Variants in RAB38 observed in about 807,000 individuals in gnomAD.
RAB38 encodes the protein RAB38, member RAS oncogene family, also known as ras-related protein Rab-38.
A neutral mutation model predicts 18.4 loss-of-function variants in RAB38; 15 were observed. The observed-to-expected ratio is 0.82, with a 90% CI of 0.55 to 1.26. RAB38 has a LOEUF of 1.26. Ranked by LOEUF, RAB38 falls within the 50% of genes most tolerant of loss-of-function variation. RAB38 has a pLI of 0.00. For missense variants in RAB38, 294 were observed against 267.4 expected, an observed-to-expected ratio of 1.10 and a Z score of -0.69; for synonymous variants, 101 against 104.4, an observed-to-expected ratio of 0.97 and a Z score of 0.20.
the RAB38 span, among the ~76,000 whole-genome samples, chr11:87,811,622 G>T: frequency 2.6e-5 from 4 of 152,002 alleles, no homozygotes; most frequent in South Asian, 4.2e-4. Context: ...GCTCTCAGTT[G>T]TACGGTGAAC....
chr11:87,810,817 AC>A, the RAB38 span, among the ~76,000 whole-genome samples: 9 of 141,752 alleles, frequency 6.3e-5, no homozygotes, highest in Non-Finnish European at 1.2e-4. Flanking sequence ...AAAAAAAAAA[AC>A]CTTTTTACCG....
At chr11:87,847,331 A>G in the RAB38 span, among the ~76,000 whole-genome samples, 3 of 152,096 alleles carry the variant, frequency 2.0e-5, no homozygotes, top group African/African-American at 7.2e-5. Flanking sequence ...GTTACAATAG[A>G]CTCTATACAT....
the RAB38 span, among the ~76,000 whole-genome samples, chr11:87,841,284 A>G: frequency 6.6e-6 from 1 of 152,138 alleles, no homozygotes; most frequent in African/African-American, 2.4e-5. Context: ...TGCTGTTCTT[A>G]TGATAGTGAG....
the RAB38 span, among the ~76,000 whole-genome samples, chr11:88,097,357 AAG>A: frequency 6.6e-6 from 1 of 151,888 alleles, no homozygotes; most frequent in Non-Finnish European, 1.5e-5. Context: ...CTGTGCACCA[AAG>A]AGTTTATAAA....
chr11:88,169,523 TGAGTAGTCAA>T (rs1188824969), intron 1 of RAB38, among the ~76,000 whole-genome samples: 1 of 152,050 alleles, frequency 6.6e-6, no homozygotes, highest in Non-Finnish European at 1.5e-5. Context: ...CCTGAGCTCA[TGAGTAGTCAA>T]GGATATAGGC....
At chr11:88,005,083 C>T in the RAB38 span, among the ~76,000 whole-genome samples, 1 of 151,218 alleles carries the variant, frequency 6.6e-6, no homozygotes, top group South Asian at 2.1e-4. Context: ...TAATGTAATC[C>T]TAAACAAGAT....
At chr11:88,023,528 C>T in the RAB38 span, among the ~76,000 whole-genome samples, 6 of 151,890 alleles carry the variant, frequency 4.0e-5, no homozygotes, top group African/African-American at 1.4e-4. Flanking sequence ...TGACATTCAT[C>T]ACAGAAATAG....
the RAB38 span, among the ~76,000 whole-genome samples, chr11:87,957,470 T>C: frequency 6.6e-6 from 1 of 152,170 alleles, no homozygotes; most frequent in African/African-American, 2.4e-5. Flanking sequence ...TGTGTGCTTT[T>C]ATTCTAAGTC....
chr11:88,144,586 T>A (rs1159237160), intron 2 of RAB38, among the ~76,000 whole-genome samples: 1 of 152,224 alleles, frequency 6.6e-6, no homozygotes, highest in East Asian at 1.9e-4. Flanking sequence ...ATTCCTTTTC[T>A]CAGCAGAAGG....
intron 1 of RAB38, among the ~76,000 whole-genome samples, chr11:88,158,888 A>G (rs1284872037): frequency 6.6e-6 from 1 of 152,114 alleles, no homozygotes; most frequent in African/African-American, 2.4e-5. Context: ...CATTGTGCCT[A>G]TTGAACACAT....
At chr11:88,114,828 T>A (rs879854832) in intron 2 of RAB38, among the ~76,000 whole-genome samples, 2 of 152,214 alleles carry the variant, frequency 1.3e-5, no homozygotes, top group Non-Finnish European at 2.9e-5. Context: ...GAGGCAAGTA[T>A]CCCAATCAGC....
chr11:87,880,314 A>G, the RAB38 span, among the ~76,000 whole-genome samples: 1 of 151,730 alleles, frequency 6.6e-6, no homozygotes, highest in South Asian at 2.1e-4. Flanking sequence ...GAAATAATGT[A>G]TATCCCTTCG....
chr11:88,005,851 G>A, the RAB38 span, among the ~76,000 whole-genome samples: 6 of 151,448 alleles, frequency 4.0e-5, no homozygotes, highest in African/African-American at 1.4e-4. Context: ...GTTTATTGAG[G>A]AAACTGTCCT....
the RAB38 span, among the ~76,000 whole-genome samples, chr11:87,871,109 A>C: frequency 6.6e-6 from 1 of 151,636 alleles, no homozygotes; most frequent in Non-Finnish European, 1.5e-5. Context: ...AATTTGAGAA[A>C]ATTATTTTTA....
chr11:87,974,690 C>A, the RAB38 span, among the ~76,000 whole-genome samples: 1 of 150,804 alleles, frequency 6.6e-6, no homozygotes, highest in African/African-American at 2.4e-5. Context: ...TTTTTTTAAT[C>A]TGCTGAAAAC....
the RAB38 span, among the ~76,000 whole-genome samples, chr11:87,899,950 A>C: frequency 2.0e-5 from 3 of 148,772 alleles, no homozygotes; most frequent in African/African-American, 4.9e-5. Flanking sequence ...GTCTCTCTCT[A>C]CTCCTTCCGT....
the RAB38 span, among the ~76,000 whole-genome samples, chr11:87,928,546 G>T: frequency 6.6e-6 from 1 of 151,430 alleles, no homozygotes; most frequent in Non-Finnish European, 1.5e-5. Flanking sequence ...AACTGCCGAG[G>T]TTTTTTTTAA....
At chr11:88,048,047 C>T in the RAB38 span, among the ~76,000 whole-genome samples, 1 of 152,168 alleles carries the variant, frequency 6.6e-6, no homozygotes, top group East Asian at 1.9e-4. Flanking sequence ...AAGGAAATCA[C>T]TTCTCAGTGC....
chr11:88,136,532 A>C (rs2134804229), intron 2 of RAB38, among the ~76,000 whole-genome samples: 1 of 152,362 alleles, frequency 6.6e-6, no homozygotes, highest in African/African-American at 2.4e-5. Flanking sequence ...TTGAAGATCA[A>C]GAAAGTTAAC....
Sources: gnomAD v4.1 joint callset for allele counts (sites outside exome capture counted in the v4.1 genomes callset) on GRCh38, gnomAD v4.1.1 for gene constraint, MANE v1.5 for transcripts, NCBI Gene and HGNC (gene_info 2026-07-23, HGNC 2026-07-21) for gene names.